Variants in EPHA6 observed in about 807,000 individuals in gnomAD.
The protein encoded by EPHA6 is ephrin type-A receptor 6.
A neutral mutation model predicts 112.0 loss-of-function variants in EPHA6; 50 were observed. The observed-to-expected ratio is 0.45, with a 90% CI of 0.36 to 0.56. The LOEUF (loss-of-function observed/expected upper bound fraction) is 0.56, where lower values mean the gene tolerates loss of function less well. Ranked by LOEUF, EPHA6 falls within the 20% of genes least tolerant of loss-of-function variation. EPHA6 has a pLI of 0.00. For missense variants in EPHA6, 1,280 were observed against 1,417.4 expected, an observed-to-expected ratio of 0.90 and a Z score of 1.56; for synonymous variants, 529 against 490.7, an observed-to-expected ratio of 1.08 and a Z score of -1.03.
Position 97,268,773 on chromosome 3 carries a change from AGAG to A in EPHA6, c.1606+24490_1606+24492del, listed in dbSNP as rs547508956. Among the ~76,000 whole-genome samples, 8 of 152,318 alleles carry A rather than the reference AGAG, an allele frequency of 5.3e-5. No individual in the cohort carries two copies. The East Asian group carries it at 1.3e-3, about 26-fold the overall frequency. On this transcript the variant is annotated intron_variant, in intron 5 of 17. Transcript: ENST00000389672. ...TCTGCATAAGCAGAGCTCTATCTTT[AGAG>A]GAGAAGATATTTAATATGTTCACAG...
intron 5 of EPHA6, among the ~76,000 whole-genome samples, chr3:97,251,410 G>T (rs1283101795): frequency 6.6e-6 from 1 of 151,810 alleles, no homozygotes; most frequent in Non-Finnish European, 1.5e-5. Flanking sequence ...GGCACCTGTA[G>T]TCCCAGCTAC....
intron 3 of EPHA6, among the ~76,000 whole-genome samples, chr3:97,115,942 C>T (rs953361160): frequency 4.6e-5 from 7 of 151,714 alleles, no homozygotes; most frequent in African/African-American, 1.2e-4. Flanking sequence ...AATCATAGTA[C>T]TTGCAGTGTA....
intron 3 of EPHA6, among the ~76,000 whole-genome samples, chr3:97,185,440 A>G (rs1191199437): frequency 6.6e-6 from 1 of 152,212 alleles, no homozygotes; most frequent in African/African-American, 2.4e-5. Context: ...GAAGACATTT[A>G]TGCAGCCAAC....
chr3:97,295,702 G>GA (rs2080851516), intron 5 of EPHA6, among the ~76,000 whole-genome samples: 1 of 151,908 alleles, frequency 6.6e-6, no homozygotes, highest in Admixed American at 6.6e-5. Context: ...TTTCATATGA[G>GA]AAGACTTTTT....
chr3:97,224,945 G>T lies in EPHA6; in HGVS notation c.1115-1319G>T, dbSNP rs546591253. 3.2e-3 allele frequency among the ~76,000 whole-genome samples: 481 copies of T among 151,250 alleles called. 3 individuals carry two copies. Among genetic ancestry groups the T allele is most frequent in the African/African-American group, 0.011 (437 of 41,210 alleles). ...CTGATTTTTTTTTTTGCTTTTTTGG[G>T]TTTTTTTGTTTGTTTGTTTGTTTGT... On this transcript the variant is annotated intron_variant, in intron 3 of 17. Transcript: ENST00000389672.
At chr3:96,992,454 C>T (rs2043251710) in intron 3 of EPHA6, among the ~76,000 whole-genome samples, 1 of 152,198 alleles carries the variant, frequency 6.6e-6, no homozygotes, top group Non-Finnish European at 1.5e-5. Context: ...TGAGGTCACT[C>T]ATGCAACTGC....
chr3:97,191,457 C>T (rs1394793478), intron 3 of EPHA6, among the ~76,000 whole-genome samples: 1 of 151,942 alleles, frequency 6.6e-6, no homozygotes, highest in South Asian at 2.1e-4. Flanking sequence ...ACCATCACCC[C>T]TTCCCTCTCC....
chr3:97,133,936 T>C (rs1260284978), intron 3 of EPHA6, among the ~76,000 whole-genome samples: 1 of 152,038 alleles, frequency 6.6e-6, no homozygotes, highest in Non-Finnish European at 1.5e-5. Context: ...GATATGAGTA[T>C]GATATATAAA....
chr3:96,986,356 G>C (rs1305003001), intron 2 of EPHA6, among the ~76,000 whole-genome samples: 1 of 152,110 alleles, frequency 6.6e-6, no homozygotes, highest in Non-Finnish European at 1.5e-5. Flanking sequence ...GGCTTAAAAT[G>C]CTTAATAAAG....
At chr3:97,574,424 A>C (rs568832683) in intron 11 of EPHA6, among the ~76,000 whole-genome samples, 1 of 152,300 alleles carries the variant, frequency 6.6e-6, no homozygotes, top group South Asian at 2.1e-4. Context: ...AGAAAGGCAA[A>C]GAAACTGTGT....
intron 14 of EPHA6, among the ~76,000 whole-genome samples, chr3:97,651,998 AC>A (rs1374082586): frequency 1.4e-4 from 21 of 152,016 alleles, no homozygotes; most frequent in Admixed American, 1.2e-3. Context: ...TTCAACCCTA[AC>A]CCCACCTCTG....
intron 13 of EPHA6, among the ~76,000 whole-genome samples, chr3:97,631,302 G>T (rs894901062): frequency 6.6e-6 from 1 of 151,906 alleles, no homozygotes; most frequent in Admixed American, 6.6e-5. Flanking sequence ...CTGACATCCA[G>T]TTTTTTGAGA....
At chr3:97,196,806 G>A (rs554503357) in intron 3 of EPHA6, among the ~76,000 whole-genome samples, 13 of 151,974 alleles carry the variant, frequency 8.6e-5, no homozygotes, top group African/African-American at 2.9e-4. Context: ...AGAGATTCTT[G>A]CTTCCTTCCC....
At chr3:97,153,135 A>G (rs971779267) in intron 3 of EPHA6, among the ~76,000 whole-genome samples, 2 of 152,274 alleles carry the variant, frequency 1.3e-5, no homozygotes, top group East Asian at 3.9e-4. Flanking sequence ...TTGTGTACCT[A>G]TAACTCTGTC....
chr3:97,107,505 C>A (rs1449299384), intron 3 of EPHA6, among the ~76,000 whole-genome samples: 3 of 152,152 alleles, frequency 2.0e-5, no homozygotes, highest in African/African-American at 7.2e-5. Context: ...ATTAAAAAGT[C>A]TTTCATAAGC....
rs556576867 is a variant in EPHA6 at position 96,987,668 on chromosome 3, C to T, written c.789C>T (p.Leu263=). 126 of 1,606,978 alleles carry T rather than the reference C, an allele frequency of 7.8e-5. 2 individuals carry two copies. In the South Asian group the frequency reaches 1.2e-3, roughly 15 times the overall value. ...QMDLGDRILK[L]NTEIREVGPI... ...ATTTGGGTGATCGCATCCTCAAACT[C>T]AACACTGAAATTCGTGAGGTGGGGC... The change falls in exon 3 of 18, where the codon CTC becomes CTT. Residue 263 remains leucine (L), a synonymous_variant. Transcript: ENST00000389672.
At chr3:97,123,193 A>G (rs2048090242) in intron 3 of EPHA6, among the ~76,000 whole-genome samples, 2 of 152,120 alleles carry the variant, frequency 1.3e-5, no homozygotes, top group Admixed American at 1.3e-4. Flanking sequence ...ATGTAGTGGT[A>G]CTATTATTCG....
chr3:96,820,657 A>G (rs1451818534), intron 1 of EPHA6, among the ~76,000 whole-genome samples: 2 of 152,096 alleles, frequency 1.3e-5, no homozygotes, highest in African/African-American at 2.4e-5. Context: ...TGTATTTTCC[A>G]CTTGATTCAG....
chr3:96,831,578 A>T (rs982244619), intron 1 of EPHA6, among the ~76,000 whole-genome samples: 9 of 151,168 alleles, frequency 6.0e-5, no homozygotes, highest in Non-Finnish European at 1.2e-4. Context: ...CCTGTATTTT[A>T]TTATTATTAT....
Sources: allele counts gnomAD v4.1 joint callset (sites outside exome capture counted in the v4.1 genomes callset), GRCh38; gene constraint gnomAD v4.1.1; transcripts MANE v1.5; gene names NCBI Gene and HGNC (gene_info 2026-07-23, HGNC 2026-07-21).